The following LOC128092253 variants were observed in gnomAD, a reference collection of about 807,000 sequenced individuals.
the LOC128092253 span, among the ~76,000 whole-genome samples, chr6:133,962,439 AGAG>A: frequency 2.0e-5 from 3 of 152,354 alleles, no homozygotes; most frequent in East Asian, 1.9e-4. Flanking sequence ...TTAACTGAGC[AGAG>A]GAGAAGAATG....
the LOC128092253 span, among the ~76,000 whole-genome samples, chr6:133,963,715 C>G: frequency 6.6e-6 from 1 of 152,036 alleles, no homozygotes; most frequent in Non-Finnish European, 1.5e-5. Context: ...GTCCACCAGG[C>G]CTGTCCTTGT....
chr6:133,976,624 C>T, the LOC128092253 span, among the ~76,000 whole-genome samples: 1 of 152,006 alleles, frequency 6.6e-6, no homozygotes, highest in Non-Finnish European at 1.5e-5. Context: ...CTGTTTAACC[C>T]ATCGATAAAT....
chr6:133,956,101 T>C, the LOC128092253 span, among the ~76,000 whole-genome samples: 2 of 152,236 alleles, frequency 1.3e-5, no homozygotes, highest in Non-Finnish European at 2.9e-5. Flanking sequence ...AGGATACCAG[T>C]AATAACCTAG....
At chr6:133,956,574 T>G in the LOC128092253 span, among the ~76,000 whole-genome samples, 1 of 151,992 alleles carries the variant, frequency 6.6e-6, no homozygotes, top group Non-Finnish European at 1.5e-5. Flanking sequence ...ATCATCATAT[T>G]GTATGTCCCT....
At chr6:133,954,857 G>C in the LOC128092253 span, among the ~76,000 whole-genome samples, 5 of 152,076 alleles carry the variant, frequency 3.3e-5, no homozygotes, top group African/African-American at 1.2e-4. Flanking sequence ...ATGTGCCCTT[G>C]ATTGGGCTGG....
chr6:133,971,145 A>G, the LOC128092253 span, among the ~76,000 whole-genome samples: 1 of 147,230 alleles, frequency 6.8e-6, no homozygotes. Context: ...CGATGATAAC[A>G]CTTTTTTTTT....
the LOC128092253 span, among the ~76,000 whole-genome samples, chr6:133,957,679 G>C: frequency 6.6e-6 from 1 of 152,196 alleles, no homozygotes; most frequent in Non-Finnish European, 1.5e-5. Context: ...CCTGTGTTCA[G>C]CATCATGGCT....
chr6:133,974,396 C>T, the LOC128092253 span, among the ~76,000 whole-genome samples: 7 of 152,136 alleles, frequency 4.6e-5, no homozygotes, highest in African/African-American at 1.4e-4. Flanking sequence ...TGCAGTGGCG[C>T]GATCTCAGCT....
chr6:133,968,209 G>A, the LOC128092253 span, among the ~76,000 whole-genome samples: 3 of 151,892 alleles, frequency 2.0e-5, no homozygotes, highest in Non-Finnish European at 4.4e-5. Context: ...GGATGATCTC[G>A]ATCTCTTGAC....
At chr6:133,978,622 T>A in the LOC128092253 span, among the ~76,000 whole-genome samples, 1 of 152,118 alleles carries the variant, frequency 6.6e-6, no homozygotes, top group Non-Finnish European at 1.5e-5. Context: ...AACAAAAAGA[T>A]ACACAGATTG....
the LOC128092253 span, among the ~76,000 whole-genome samples, chr6:133,958,053 A>T: frequency 6.6e-6 from 1 of 152,138 alleles, no homozygotes; most frequent in African/African-American, 2.4e-5. Context: ...TAAGTTTTGA[A>T]TTGTCACACA....
chr6:133,971,581 GTT>G, the LOC128092253 span, among the ~76,000 whole-genome samples: 93 of 22,032 alleles, frequency 4.2e-3, no homozygotes, highest in Middle Eastern at 0.027. Flanking sequence ...ATACATAGGT[GTT>G]GTTGTTGTTG....
At chr6:133,969,181 A>G in the LOC128092253 span, among the ~76,000 whole-genome samples, 2 of 151,758 alleles carry the variant, frequency 1.3e-5, no homozygotes, top group African/African-American at 4.8e-5. Context: ...AATCAGTATC[A>G]TTTAAATCTT....
the LOC128092253 span, among the ~76,000 whole-genome samples, chr6:133,962,900 G>A: frequency 1.3e-5 from 2 of 152,194 alleles, no homozygotes; most frequent in Non-Finnish European, 2.9e-5. Context: ...CTGATTTAAG[G>A]AACAGACAGA....
the LOC128092253 span, among the ~76,000 whole-genome samples, chr6:133,964,458 T>G: frequency 2.0e-5 from 3 of 151,126 alleles, no homozygotes; most frequent in African/African-American, 7.3e-5. Context: ...TTTTTGGGTT[T>G]TTTTTTTTTT....
chr6:133,961,951 T>C, the LOC128092253 span, among the ~76,000 whole-genome samples: 1 of 152,146 alleles, frequency 6.6e-6, no homozygotes, highest in Admixed American at 6.5e-5. Context: ...TGCCTGACCA[T>C]TTTGTTCTGA....
At chr6:133,957,164 G>GT in the LOC128092253 span, among the ~76,000 whole-genome samples, 1 of 152,060 alleles carries the variant, frequency 6.6e-6, no homozygotes, top group Admixed American at 6.6e-5. Flanking sequence ...CCCATTAAAT[G>GT]TTTTTAAAAA....
At chr6:133,966,198 T>C in the LOC128092253 span, among the ~76,000 whole-genome samples, 11 of 152,100 alleles carry the variant, frequency 7.2e-5, no homozygotes, top group African/African-American at 2.7e-4. Context: ...TTTTATTGAA[T>C]GTGTATGGCG....
At chr6:133,972,928 A>G in the LOC128092253 span, among the ~76,000 whole-genome samples, 1 of 152,164 alleles carries the variant, frequency 6.6e-6, no homozygotes, top group Admixed American at 6.5e-5. Context: ...GAAAATGAGG[A>G]TTTAGAGAGC....
Sources: allele counts gnomAD v4.1 joint callset (sites outside exome capture counted in the v4.1 genomes callset), GRCh38; gene constraint gnomAD v4.1.1; transcripts MANE v1.5.